Variants in ITFG1 observed in about 807,000 individuals in gnomAD.
ITFG1 encodes T-cell immunomodulatory protein.
A neutral mutation model predicts 81.8 loss-of-function variants in ITFG1; 34 were observed. That is an observed-to-expected ratio of 0.42 (90% confidence interval 0.32 to 0.55). The LOEUF is 0.55. ITFG1 is among the 20% of genes least tolerant of loss of function. ITFG1 has a pLI of 0.17. For missense variants in ITFG1, 672 were observed against 755.4 expected, an observed-to-expected ratio of 0.89 and a Z score of 1.29; for synonymous variants, 285 against 270.6, an observed-to-expected ratio of 1.05 and a Z score of -0.52.
At chr16:47,405,823 TCTGA>T (rs1204436962) in intron 6 of ITFG1, among the ~76,000 whole-genome samples, 2 of 151,998 alleles carry the variant, frequency 1.3e-5, no homozygotes, top group African/African-American at 4.8e-5. Context: ...GGTTTGATGC[TCTGA>T]CTTTTTGGGG....
intron 8 of ITFG1, among the ~76,000 whole-genome samples, chr16:47,347,221 G>A (rs1173431848): frequency 1.3e-5 from 2 of 152,246 alleles, no homozygotes; most frequent in Non-Finnish European, 2.9e-5. Context: ...GCAGCGCACT[G>A]AGCGTGAGCC....
Position 47,365,834 on chromosome 16 carries a change from T to G in ITFG1, c.756A>C (p.Lys252Asn), listed in dbSNP as rs1224968913. The G allele has an allele frequency of 6.2e-7, 1 of 1,606,888 alleles. No homozygotes were observed. Among genetic ancestry groups the G allele is most frequent in the East Asian group, 2.2e-5 (1 of 44,736 alleles). Residue 252 changes from lysine (K) to asparagine (N), a missense_variant, in exon 8 of 18, where the codon AAA becomes AAC. This residue lies in a region of ITFG1 where 560 missense variants were observed against 625.7 expected (regional missense o/e 0.90). Coordinates refer to ENST00000320640, the MANE Select transcript of ITFG1 (RefSeq NM_030790.5). ...GNFSVSTILE[K>N]PQNMMVVGQS... The stretch of plus-strand genomic sequence containing the variant: ...GTCCAACCACCATCATATTTTGAGG[T>G]TTTTCCAATATAGTACTGACAGAGA...
At chr16:47,367,739 G>C (rs906217485) in intron 7 of ITFG1, among the ~76,000 whole-genome samples, 9 of 152,112 alleles carry the variant, frequency 5.9e-5, no homozygotes, top group Admixed American at 2.6e-4. Flanking sequence ...ACACTCCATT[G>C]TCCCTGTGCA....
intron 14 of ITFG1, among the ~76,000 whole-genome samples, chr16:47,172,622 C>G (rs1964975784): frequency 6.6e-6 from 1 of 152,088 alleles, no homozygotes; most frequent in Non-Finnish European, 1.5e-5. Context: ...TTACAGGCCT[C>G]TCTTTTTCTT....
chr16:47,278,160 T>G (rs1966417142), intron 10 of ITFG1, among the ~76,000 whole-genome samples: 1 of 152,218 alleles, frequency 6.6e-6, no homozygotes, highest in African/African-American at 2.4e-5. Context: ...GCAGTCTTAC[T>G]TAACGGAGAT....
chr16:47,171,244 G>A (rs1324653264), intron 14 of ITFG1, among the ~76,000 whole-genome samples: 1 of 151,994 alleles, frequency 6.6e-6, no homozygotes, highest in East Asian at 1.9e-4. Flanking sequence ...CTGGCCTCAA[G>A]CATTCTTCAT....
rs905150696 is a variant in ITFG1, at chr16:47,257,901, G to A, written c.1330+731C>T. On this transcript the variant is annotated intron_variant, in intron 12 of 17. Coordinates refer to ENST00000320640, the MANE Select transcript of ITFG1 (RefSeq NM_030790.5). Reference sequence around the variant, plus strand: ...GTCTGATTCCAGGCTTGGGACAAGGGGGGTACAAGATGAACAGTAGAATGT... The same window carrying A: ...GTCTGATTCCAGGCTTGGGACAAGGAGGGTACAAGATGAACAGTAGAATGT... Among the ~76,000 whole-genome samples, 7 of 152,144 alleles carry A rather than the reference G, an allele frequency of 4.6e-5. No homozygotes were observed. In the East Asian group the frequency reaches 9.6e-4, roughly 21 times the overall value.
intron 13 of ITFG1, among the ~76,000 whole-genome samples, chr16:47,229,800 AG>A (rs1303889945): frequency 1.3e-5 from 2 of 152,152 alleles, no homozygotes; most frequent in African/African-American, 4.8e-5. Context: ...TTAGATACAA[AG>A]GTCTGATGTT....
intron 10 of ITFG1, among the ~76,000 whole-genome samples, chr16:47,276,407 T>C (rs985985772): frequency 2.0e-5 from 3 of 152,218 alleles, no homozygotes; most frequent in Non-Finnish European, 4.4e-5. Context: ...GAATAAATGT[T>C]ATGGAATGGA....
chr16:47,191,596 A>G (rs1302768044), intron 14 of ITFG1, among the ~76,000 whole-genome samples: 3 of 151,628 alleles, frequency 2.0e-5, no homozygotes, highest in South Asian at 2.1e-4. Context: ...GCAACCTCCA[A>G]CTCCTGGGTT....
chr16:47,182,702 T>C (rs1965143786), intron 14 of ITFG1, among the ~76,000 whole-genome samples: 1 of 152,236 alleles, frequency 6.6e-6, no homozygotes, highest in Non-Finnish European at 1.5e-5. Flanking sequence ...GTGAGGAAAT[T>C]ACCAGATAAT....
intron 6 of ITFG1, among the ~76,000 whole-genome samples, chr16:47,420,663 C>T (rs544514067): frequency 6.6e-6 from 1 of 152,252 alleles, no homozygotes; most frequent in African/African-American, 2.4e-5. Flanking sequence ...TGGTACTTCC[C>T]TCTCTCTCGT....
intron 6 of ITFG1, among the ~76,000 whole-genome samples, chr16:47,388,923 G>T (rs1968496129): frequency 1.3e-5 from 2 of 152,170 alleles, no homozygotes; most frequent in Non-Finnish European, 2.9e-5. Flanking sequence ...AGGGTCACAA[G>T]ACTGGTAAGT....
chr16:47,200,629 A>C (rs533673214), intron 14 of ITFG1, among the ~76,000 whole-genome samples: 2 of 152,234 alleles, frequency 1.3e-5, no homozygotes, highest in Non-Finnish European at 2.9e-5. Flanking sequence ...GAGAAAAAAG[A>C]GAAAATATAA....
chr16:47,157,679 T>A (rs965870600), intron 17 of ITFG1: 1 of 152,238 alleles, frequency 6.6e-6, no homozygotes, highest in Non-Finnish European at 1.5e-5. Context: ...TTCATGTTAC[T>A]GTTTTTGATA....
intron 8 of ITFG1, among the ~76,000 whole-genome samples, chr16:47,345,218 G>C (rs903301334): frequency 6.6e-5 from 10 of 151,760 alleles, no homozygotes; most frequent in African/African-American, 2.4e-4. Flanking sequence ...AAATGGTCTT[G>C]AGCTACACAT....
At chr16:47,204,101 T>C (rs1033661832) in intron 14 of ITFG1, among the ~76,000 whole-genome samples, 1 of 152,204 alleles carries the variant, frequency 6.6e-6, no homozygotes, top group Non-Finnish European at 1.5e-5. Context: ...AATATGGTGG[T>C]GATGCTAAGA....
chr16:47,258,351 A>C (rs2151541432), intron 12 of ITFG1, among the ~76,000 whole-genome samples: 1 of 152,378 alleles, frequency 6.6e-6, no homozygotes, highest in South Asian at 2.1e-4. Context: ...ATGAAAAATA[A>C]GAAAAGACTG....
At chr16:47,238,898 C>G (rs1164807155) in intron 12 of ITFG1, among the ~76,000 whole-genome samples, 1 of 152,036 alleles carries the variant, frequency 6.6e-6, no homozygotes, top group Non-Finnish European at 1.5e-5. Context: ...ATGTTGCTAT[C>G]CCCCCAAATT....
Sources: allele counts gnomAD v4.1 joint callset (sites outside exome capture counted in the v4.1 genomes callset), GRCh38; gene constraint gnomAD v4.1.1; regional missense constraint gnomAD v4.1.1; transcripts MANE v1.5; gene names NCBI Gene and HGNC (gene_info 2026-07-23, HGNC 2026-07-21).